Variants in MYRIP observed in about 807,000 individuals in gnomAD.
The protein encoded by MYRIP is myosin VIIA and Rab interacting protein, also known as rab effector MyRIP.
MYRIP carries 49 observed loss-of-function variants against 98.0 expected under a neutral mutation model. That is an observed-to-expected ratio of 0.50 (90% confidence interval 0.40 to 0.63). The LOEUF (loss-of-function observed/expected upper bound fraction) is 0.63. MYRIP is among the 30% of genes least tolerant of loss of function. The probability of loss-of-function intolerance (pLI) is 0.00; values close to 1 mark genes in which losing one functional copy is unlikely to be tolerated. For missense variants in MYRIP, 1,004 were observed against 1,058.2 expected, an observed-to-expected ratio of 0.95 and a Z score of 0.71; for synonymous variants, 404 against 409.5, an observed-to-expected ratio of 0.99 and a Z score of 0.16.
chr3:40,099,704 A>G lies in MYRIP; in HGVS notation c.333-51344A>G, dbSNP rs149766927. On this transcript the variant is annotated intron_variant, in intron 3 of 16. Coordinates refer to ENST00000302541, the MANE Select transcript of MYRIP (RefSeq NM_015460.4). The stretch of plus-strand genomic sequence containing the variant: ...TCCCTCTGTACAGTCTCTTGCTGCT[A>G]TTTGAAGCATGTTTGTATTAAGAAC... Among the ~76,000 whole-genome samples the G allele has an allele frequency of 1.4e-4, 21 of 152,272 alleles. No individual in the cohort carries two copies. In the East Asian group the frequency reaches 3.9e-3, roughly 28 times the overall value.
chr3:39,990,208 C>G (rs1201968525), intron 2 of MYRIP, among the ~76,000 whole-genome samples: 1 of 152,216 alleles, frequency 6.6e-6, no homozygotes, highest in Non-Finnish European at 1.5e-5. Context: ...GGGTAGTATG[C>G]TCATTCACTG....
At chr3:39,858,838 A>G (rs1201117040) in intron 1 of MYRIP, among the ~76,000 whole-genome samples, 1 of 152,166 alleles carries the variant, frequency 6.6e-6, no homozygotes, top group African/African-American at 2.4e-5. Context: ...CCTTGAGAGA[A>G]ACAAAAATGG....
chr3:40,240,048 G>C (rs1156841156), intron 12 of MYRIP, among the ~76,000 whole-genome samples: 9 of 133,426 alleles, frequency 6.7e-5, no homozygotes, highest in Non-Finnish European at 1.4e-4. Flanking sequence ...TAGGTCTAAC[G>C]TTTAAGTCTT....
At chr3:40,175,943 A>C (rs769246245) in intron 8 of MYRIP, among the ~76,000 whole-genome samples, 5 of 152,386 alleles carry the variant, frequency 3.3e-5, no homozygotes, top group Non-Finnish European at 7.3e-5. Context: ...GGGGATGTGC[A>C]GCTGCTGCTG....
At chr3:40,122,161 A>G (rs1704759868) in intron 3 of MYRIP, among the ~76,000 whole-genome samples, 1 of 152,146 alleles carries the variant, frequency 6.6e-6, no homozygotes, top group Admixed American at 6.5e-5. Context: ...AATGAGCAAC[A>G]TTAACTCAGA....
At position 40,126,116 on chromosome 3, in the gene MYRIP, T is replaced by G. The variant is rs17075883; in HGVS notation, c.333-24932T>G. ...GAATCAGTACTACCTTCTCATGGGC[T>G]CTTAACGACCTGCCCAACCTATCTC... On this transcript the variant is annotated intron_variant, in intron 3 of 16. Coordinates refer to ENST00000302541, the MANE Select transcript of MYRIP (RefSeq NM_015460.4). Among the ~76,000 whole-genome samples the G allele has an allele frequency of 1.0e-2, 1,518 of 152,320 alleles. 29 individuals are homozygous for G. Among genetic ancestry groups the G allele is most frequent in the African/African-American group, 0.035 (1,455 of 41,558 alleles).
chr3:39,844,113 C>G (rs1240354836), intron 1 of MYRIP, among the ~76,000 whole-genome samples: 2 of 152,174 alleles, frequency 1.3e-5, no homozygotes, highest in Non-Finnish European at 2.9e-5. Flanking sequence ...TATGCCCATT[C>G]TGAAAGGTTC....
chr3:40,019,507 T>C (rs1946944062), intron 2 of MYRIP, among the ~76,000 whole-genome samples: 1 of 152,210 alleles, frequency 6.6e-6, no homozygotes, highest in Non-Finnish European at 1.5e-5. Flanking sequence ...CTTACATGCC[T>C]ATTGACATGC....
chr3:40,050,158 A>C (rs1278972127), intron 3 of MYRIP, among the ~76,000 whole-genome samples: 1 of 152,178 alleles, frequency 6.6e-6, no homozygotes, highest in Non-Finnish European at 1.5e-5. Context: ...AATAGATTTC[A>C]TCAATGTTGA....
intron 3 of MYRIP, among the ~76,000 whole-genome samples, chr3:40,145,391 TAGGTGCTTTTTCTCCCACCATGAGG>T (rs1326822841): frequency 6.6e-6 from 1 of 152,234 alleles, no homozygotes; most frequent in Non-Finnish European, 1.5e-5. Context: ...TTGTGTTTGA[TAGGTGCTTTTTCTCCCACCATGAGG>T]AAGACAAACC....
intron 1 of MYRIP, among the ~76,000 whole-genome samples, chr3:39,835,353 T>C (rs1275535319): frequency 7.3e-6 from 1 of 137,308 alleles, no homozygotes; most frequent in East Asian, 2.4e-4. Flanking sequence ...TGAGAATTGC[T>C]GGGGGCGGGG....
At chr3:39,847,133 C>A (rs1941988348) in intron 1 of MYRIP, among the ~76,000 whole-genome samples, 2 of 152,174 alleles carry the variant, frequency 1.3e-5, no homozygotes, top group Non-Finnish European at 2.9e-5. Context: ...AACTTGGCAA[C>A]CATATGCATC....
chr3:39,918,484 C>T (rs981957884), intron 2 of MYRIP, among the ~76,000 whole-genome samples: 8 of 152,072 alleles, frequency 5.3e-5, no homozygotes, highest in Non-Finnish European at 7.4e-5. Flanking sequence ...GTGAGTATCC[C>T]GCAACCACCT....
chr3:40,060,652 C>A (rs1401880414), intron 3 of MYRIP, among the ~76,000 whole-genome samples: 1 of 135,090 alleles, frequency 7.4e-6, no homozygotes, highest in African/African-American at 2.6e-5. Context: ...AGTGCAATGG[C>A]GCTATCTCAG....
At chr3:39,890,603 C>T (rs1943459511) in intron 1 of MYRIP, among the ~76,000 whole-genome samples, 1 of 146,542 alleles carries the variant, frequency 6.8e-6, no homozygotes, top group Admixed American at 6.8e-5. Flanking sequence ...ATGGAAAGTT[C>T]ATAGGGGTAG....
chr3:39,914,216 A>G (rs1297480744), intron 2 of MYRIP, among the ~76,000 whole-genome samples: 1 of 152,152 alleles, frequency 6.6e-6, no homozygotes, highest in Non-Finnish European at 1.5e-5. Flanking sequence ...ATAAAACCAG[A>G]AGTCACCTTG....
chr3:40,159,091 G>A (rs1263067885), intron 4 of MYRIP, among the ~76,000 whole-genome samples: 8 of 152,024 alleles, frequency 5.3e-5, no homozygotes, highest in African/African-American at 7.3e-5. Context: ...TCCTAGTCTC[G>A]ATGGTCTTTA....
chr3:40,182,389 A>G lies in MYRIP; in HGVS notation c.1027+16A>G. 1 of 1,605,308 alleles carries G rather than the reference A, an allele frequency of 6.2e-7. No homozygotes were observed. The highest frequency in any genetic ancestry group is 8.5e-7 in the Non-Finnish European group (1 of 1,175,028). ...GATGAAACAAGTAACTGTTTTAAGC[A>G]GTATCTAGTTGGTCTGTGGGTTTCA... On this transcript the variant is annotated intron_variant, in intron 9 of 16. Coordinates refer to ENST00000302541, the MANE Select transcript of MYRIP (RefSeq NM_015460.4).
intron 2 of MYRIP, among the ~76,000 whole-genome samples, chr3:39,943,473 G>A (rs759222544): frequency 3.3e-5 from 5 of 152,064 alleles, no homozygotes; most frequent in Non-Finnish European, 7.4e-5. Flanking sequence ...GATGATAGCT[G>A]ACCCAGGGTG....
Sources: allele counts gnomAD v4.1 joint callset (sites outside exome capture counted in the v4.1 genomes callset), GRCh38; gene constraint gnomAD v4.1.1; transcripts MANE v1.5; gene names NCBI Gene and HGNC (gene_info 2026-07-23, HGNC 2026-07-21).